SYBU: variants seen among roughly 807,000 people sequenced by gnomAD.
SYBU encodes GOLSYN A protein.
Under a neutral mutation model 35.9 loss-of-function variants are expected in SYBU, and 21 were observed. The ratio of observed to expected loss-of-function variants is 0.58; its 90% confidence interval spans 0.41 to 0.84. The LOEUF (loss-of-function observed/expected upper bound fraction) is 0.84, where lower values mean the gene tolerates loss of function less well. Ranked by LOEUF, SYBU falls within the 40% of genes least tolerant of loss-of-function variation. The probability of loss-of-function intolerance (pLI) is 0.00; values close to 1 mark genes in which losing one functional copy is unlikely to be tolerated. For missense variants in SYBU, 768 were observed against 848.2 expected (o/e 0.91, Z 1.17); for synonymous variants, 319 against 324.3 (o/e 0.98, Z 0.18).
chr8:109,607,808 T>TGACA, intron 3 of SYBU: 1 of 375,454 alleles, frequency 2.7e-6, no homozygotes, highest in Non-Finnish European at 4.7e-6. Context: ...CACAACTAAC[T>TGACA]CACACACACA....
At chr8:109,660,741 C>T (rs1816530446) in intron 1 of SYBU, among the ~76,000 whole-genome samples, 1 of 152,134 alleles carries the variant, frequency 6.6e-6, no homozygotes, top group Non-Finnish European at 1.5e-5. Context: ...TTACTGTCTA[C>T]ATTATTTCTC....
At chr8:109,647,604 T>A (rs1815837412), upstream of SYBU, 1 of 152,234 alleles carries the variant, frequency 6.6e-6, no homozygotes, top group Non-Finnish European at 1.5e-5. Flanking sequence ...AACTGTCAAA[T>A]GAATTAATGC....
chr8:109,618,435 T>G (rs11989290), intron 3 of SYBU, among the ~76,000 whole-genome samples: 14,180 of 152,282 alleles, frequency 0.093, 787 homozygotes, highest in South Asian at 0.23. Flanking sequence ...TCAAGATAAC[T>G]CCCAGCTCTA....
chr8:109,618,805 T>A, intron 3 of SYBU, 37 bp downstream of exon 3: 2 of 1,586,546 alleles, frequency 1.3e-6, no homozygotes. Context: ...TCCCATCACA[T>A]TGTTCTGATG....
chr8:109,643,254 T>C, intron 1 of SYBU: 1 of 949,922 alleles, frequency 1.1e-6, no homozygotes, highest in Non-Finnish European at 1.3e-6. Context: ...CCCTGACTTC[T>C]ATCACATTCA....
chr8:109,622,132 T>TC lies in SYBU; in HGVS notation c.230-3094_230-3093insG, dbSNP rs1047489069. On this transcript the variant is annotated intron_variant, in intron 2 of 6. Coordinates refer to ENST00000276646, the MANE Select transcript of SYBU (RefSeq NM_001099754.2). ...TCCCATTTATCTGAGATTCTTTTTT[T>TC]TTCAAGACTTAAATGACTTCTGCTT... is the stretch of plus-strand genomic sequence containing the variant. Among the ~76,000 whole-genome samples, 186 of 152,232 alleles carry TC rather than the reference T, an allele frequency of 1.2e-3. 2 individuals are homozygous for TC. Among genetic ancestry groups the TC allele is most frequent in the African/African-American group, 4.4e-3 (184 of 41,530 alleles).
intron 1 of SYBU, among the ~76,000 whole-genome samples, chr8:109,660,171 C>A (rs1201756166): frequency 6.6e-6 from 1 of 152,042 alleles, no homozygotes; most frequent in Non-Finnish European, 1.5e-5. Flanking sequence ...GTTTATAAAT[C>A]AAAAGTAAAA....
chr8:109,690,590 G>A (rs1172570261), intron 1 of SYBU, among the ~76,000 whole-genome samples: 1 of 152,186 alleles, frequency 6.6e-6, no homozygotes, highest in Non-Finnish European at 1.5e-5. Context: ...CACTGGGGAA[G>A]ATAAAAGCAA....
chr8:109,657,966 A>C (rs1237114409), intron 1 of SYBU, among the ~76,000 whole-genome samples: 1 of 152,172 alleles, frequency 6.6e-6, no homozygotes, highest in Non-Finnish European at 1.5e-5. Context: ...TCTTTTCCTA[A>C]AATTTTTATC....
intron 1 of SYBU, among the ~76,000 whole-genome samples, chr8:109,677,841 T>G (rs868344567): frequency 6.6e-6 from 1 of 152,060 alleles, no homozygotes; most frequent in South Asian, 2.1e-4. Flanking sequence ...TTTATTACAT[T>G]TAGATATGGA....
At chr8:109,621,953 C>T (rs866043911) in intron 2 of SYBU, among the ~76,000 whole-genome samples, 9 of 152,256 alleles carry the variant, frequency 5.9e-5, no homozygotes, top group Non-Finnish European at 1.2e-4. Flanking sequence ...CTTTGTGCAG[C>T]ACTGAAGAAG....
At chr8:109,604,122 T>C (rs1199064330) in intron 3 of SYBU, among the ~76,000 whole-genome samples, 1 of 152,084 alleles carries the variant, frequency 6.6e-6, no homozygotes, top group Non-Finnish European at 1.5e-5. Flanking sequence ...GTGATCTTAT[T>C]CCTAGACAGG....
rs565648105 is a variant in SYBU at position 109,577,058 on chromosome 8, C to T, written c.884+810G>A. On this transcript the variant is annotated intron_variant, in intron 6 of 6. Coordinates refer to ENST00000276646, the MANE Select transcript of SYBU (RefSeq NM_001099754.2). The stretch of plus-strand genomic sequence containing the variant: ...AGACAGATGATGAGCCAGATTAATT[C>T]GGAAGATGAAAAATTTCCCTTCCTC... Among the ~76,000 whole-genome samples the T allele has an allele frequency of 5.3e-5, 8 of 152,240 alleles. No homozygotes were observed. The South Asian group carries it at 6.2e-4, about 12-fold the overall frequency.
chr8:109,670,001 G>A (rs1816918418), intron 1 of SYBU, among the ~76,000 whole-genome samples: 1 of 152,080 alleles, frequency 6.6e-6, no homozygotes, highest in Admixed American at 6.5e-5. Flanking sequence ...ACAGAATTAT[G>A]AGCAGAACTC....
upstream of SYBU, among the ~76,000 whole-genome samples, chr8:109,649,617 GT>G (rs1816033102): frequency 6.6e-6 from 1 of 152,160 alleles, no homozygotes; most frequent in Admixed American, 6.5e-5. Flanking sequence ...GATGGTAAGG[GT>G]CTAATCCTCT....
chr8:109,669,556 G>A (rs1816899645), intron 1 of SYBU, among the ~76,000 whole-genome samples: 1 of 152,078 alleles, frequency 6.6e-6, no homozygotes, highest in African/African-American at 2.4e-5. Flanking sequence ...AACACTATAT[G>A]TTTTAATATC....
intron 1 of SYBU, among the ~76,000 whole-genome samples, chr8:109,668,268 T>G (rs968761719): frequency 2.0e-5 from 3 of 147,558 alleles, no homozygotes; most frequent in African/African-American, 7.5e-5. Flanking sequence ...AGGTGTAGAT[T>G]TGCTGTCTCC....
chr8:109,684,492 T>C (rs566483597), upstream of SYBU, among the ~76,000 whole-genome samples: 2 of 152,356 alleles, frequency 1.3e-5, no homozygotes, highest in Admixed American at 1.3e-4. Flanking sequence ...AATTATATAA[T>C]GGGCTTATTA....
chr8:109,668,533 G>A (rs1816851202), intron 1 of SYBU, among the ~76,000 whole-genome samples: 1 of 152,088 alleles, frequency 6.6e-6, no homozygotes. Flanking sequence ...TTCCACCTTT[G>A]TCTGTCTGTA....
Sources: gnomAD v4.1 joint callset for allele counts (sites outside exome capture counted in the v4.1 genomes callset) on GRCh38, gnomAD v4.1.1 for gene constraint, MANE v1.5 for transcripts, NCBI Gene and HGNC (gene_info 2026-07-23, HGNC 2026-07-21) for gene names.